Variants in FAM135B observed in about 807,000 individuals in gnomAD.
The protein encoded by FAM135B is family with sequence similarity 135 member B, also known as protein FAM135B.
FAM135B carries 43 observed loss-of-function variants against 127.7 expected under a neutral mutation model. That is an observed-to-expected ratio of 0.34 (90% confidence interval 0.26 to 0.43). FAM135B has a LOEUF of 0.43. Among genes scored for constraint, FAM135B ranks in the 20% least tolerant of loss-of-function variants. The pLI is 1.00. For synonymous variants in FAM135B, 670 were observed against 665.1 expected (o/e 1.01, Z -0.11); for missense variants, 1,558 against 1,725.6 (o/e 0.90, Z 1.72).
At chr8:138,134,120 C>T (rs1225977858) in intron 19 of FAM135B, among the ~76,000 whole-genome samples, 5 of 151,812 alleles carry the variant, frequency 3.3e-5, no homozygotes, top group Non-Finnish European at 5.9e-5. Flanking sequence ...ATAGTCCTTC[C>T]AAGGGAAAAG....
At chr8:138,272,511 A>T (rs564256495) in intron 3 of FAM135B, among the ~76,000 whole-genome samples, 1 of 152,326 alleles carries the variant, frequency 6.6e-6, no homozygotes, top group Non-Finnish European at 1.5e-5. Flanking sequence ...CATTTAACCT[A>T]CTGAAAATGA....
intron 1 of FAM135B, among the ~76,000 whole-genome samples, chr8:138,392,862 T>C (rs886322596): frequency 6.6e-6 from 1 of 152,182 alleles, no homozygotes; most frequent in African/African-American, 2.4e-5. Context: ...AATTAGAAAC[T>C]ACCTCCCAGA....
chr8:138,460,709 A>ATT lies in FAM135B; in HGVS notation c.-20+35960_-20+35961dup, dbSNP rs5895529. On this transcript the variant is annotated intron_variant, in intron 1 of 19. Transcript: ENST00000395297. Reference sequence around the variant, plus strand: ...AATATTCTGGGAGGCTTCTGGAAGGATTTTTTTTTCTATAAAAAAAGAACA... The same window carrying ATT: ...AATATTCTGGGAGGCTTCTGGAAGGATTTTTTTTTTTCTATAAAAAAAGAACA... 7.6e-4 allele frequency among the ~76,000 whole-genome samples: 115 copies of ATT among 151,492 alleles called. 2 individuals are homozygous for ATT. The highest frequency in any genetic ancestry group is 4.8e-3 in the South Asian group (23 of 4,780).
intron 3 of FAM135B, among the ~76,000 whole-genome samples, chr8:138,278,322 C>T (rs1160307698): frequency 2.0e-5 from 3 of 151,158 alleles, no homozygotes; most frequent in African/African-American, 4.8e-5. Context: ...GAAAATTCTA[C>T]ATCCACTACC....
At chr8:138,425,225 C>A (rs1834772333) in intron 1 of FAM135B, among the ~76,000 whole-genome samples, 1 of 152,146 alleles carries the variant, frequency 6.6e-6, no homozygotes, top group Non-Finnish European at 1.5e-5. Context: ...TACATTTGAT[C>A]CTTACAGCAG....
intron 1 of FAM135B, among the ~76,000 whole-genome samples, chr8:138,393,473 T>G (rs1832698044): frequency 6.6e-6 from 1 of 151,860 alleles, no homozygotes; most frequent in Admixed American, 6.6e-5. Flanking sequence ...AAAAAAAAAT[T>G]TAAGAGTATT....
chr8:138,446,497 A>C (rs1352257201), intron 1 of FAM135B, among the ~76,000 whole-genome samples: 1 of 152,104 alleles, frequency 6.6e-6, no homozygotes, highest in Non-Finnish European at 1.5e-5. Flanking sequence ...CAGCAGTAAC[A>C]CTGCATACCT....
intron 3 of FAM135B, among the ~76,000 whole-genome samples, chr8:138,276,435 C>T (rs1010336763): frequency 5.9e-5 from 9 of 152,074 alleles, no homozygotes; most frequent in Admixed American, 6.6e-5. Flanking sequence ...GTTGCGACTA[C>T]AAAAAATAGC....
At chr8:138,332,542 G>A (rs545375650) in intron 2 of FAM135B, among the ~76,000 whole-genome samples, 2 of 152,166 alleles carry the variant, frequency 1.3e-5, no homozygotes, top group Admixed American at 1.3e-4. Context: ...AGACCTGGTT[G>A]CAAAGATCAC....
At chr8:138,298,186 T>C (rs980292893) in intron 3 of FAM135B, among the ~76,000 whole-genome samples, 1 of 152,206 alleles carries the variant, frequency 6.6e-6, no homozygotes, top group Non-Finnish European at 1.5e-5. Context: ...ACTCCTGGCA[T>C]GTAAACACCA....
At chr8:138,229,327 T>C (rs1266162110) in intron 7 of FAM135B, among the ~76,000 whole-genome samples, 1 of 152,056 alleles carries the variant, frequency 6.6e-6, no homozygotes, top group African/African-American at 2.4e-5. Flanking sequence ...ATCTGACCCA[T>C]CTCCCATTAA....
intron 15 of FAM135B, chr8:138,144,333 C>T (rs2130641212): frequency 6.6e-6 from 1 of 152,346 alleles, no homozygotes; most frequent in Admixed American, 6.5e-5. Context: ...ATCGCCTGAA[C>T]CCAGGAGGTG....
At chr8:138,145,682 T>A (rs375331617) in intron 15 of FAM135B, among the ~76,000 whole-genome samples, 1 of 152,168 alleles carries the variant, frequency 6.6e-6, no homozygotes, top group African/African-American at 2.4e-5. Flanking sequence ...GGAGTCATTA[T>A]CCAAATAATT....
At chr8:138,476,215 G>C (rs1172656520) in intron 1 of FAM135B, among the ~76,000 whole-genome samples, 2 of 152,126 alleles carry the variant, frequency 1.3e-5, no homozygotes, top group African/African-American at 4.8e-5. Context: ...TGGGGGGATT[G>C]AAAAATGAAA....
At chr8:138,447,131 C>T (rs1359057305) in intron 1 of FAM135B, among the ~76,000 whole-genome samples, 9 of 151,776 alleles carry the variant, frequency 5.9e-5, no homozygotes, top group East Asian at 1.9e-4. Context: ...GTTAGAATGG[C>T]GATCATTAAA....
At chr8:138,464,822 C>T (rs899571993) in intron 1 of FAM135B, among the ~76,000 whole-genome samples, 12 of 152,152 alleles carry the variant, frequency 7.9e-5, no homozygotes, top group Non-Finnish European at 1.5e-5. Context: ...CTGCACTGCC[C>T]CCTACGCTGG....
intron 1 of FAM135B, among the ~76,000 whole-genome samples, chr8:138,417,010 C>T (rs917930588): frequency 1.1e-4 from 17 of 152,174 alleles, no homozygotes; most frequent in African/African-American, 3.1e-4. Context: ...TTTAAGCTGG[C>T]AGGAAACTGC....
chr8:138,177,913 T>C (rs1157191542), intron 10 of FAM135B, among the ~76,000 whole-genome samples: 1 of 152,232 alleles, frequency 6.6e-6, no homozygotes, highest in Non-Finnish European at 1.5e-5. Flanking sequence ...CCTAAGCTGG[T>C]GGCAGAGAAA....
At chr8:138,212,352 C>T (rs961654589) in intron 7 of FAM135B, among the ~76,000 whole-genome samples, 3 of 152,140 alleles carry the variant, frequency 2.0e-5, no homozygotes, top group African/African-American at 4.8e-5. Flanking sequence ...GGCCATCACA[C>T]TGGCAACCGT....
Sources: gnomAD v4.1 joint callset for allele counts (sites outside exome capture counted in the v4.1 genomes callset) on GRCh38, gnomAD v4.1.1 for gene constraint, MANE v1.5 for transcripts, NCBI Gene and HGNC (gene_info 2026-07-23, HGNC 2026-07-21) for gene names.